HSPG2: variants seen among roughly 807,000 people sequenced by gnomAD.
HSPG2 encodes basement membrane-specific heparan sulfate proteoglycan core protein.
In HSPG2, 278 loss-of-function variants were observed where a neutral mutation model predicts 526.6. The observed-to-expected ratio is 0.53, with a 90% CI of 0.48 to 0.58. HSPG2 has a LOEUF of 0.58. Among genes scored for constraint, HSPG2 ranks in the 20% least tolerant of loss-of-function variants. HSPG2 has a pLI of 0.00. For missense variants in HSPG2, 5,354 were observed against 6,099.5 expected (o/e 0.88, Z 4.07); for synonymous variants, 2,465 against 2,555.4 (o/e 0.96, Z 1.07).
intron 96 of HSPG2, 28 bp from the exon 97 acceptor site, chr1:21,823,516 G>A (rs1449004907): frequency 6.2e-7 from 1 of 1,607,966 alleles, no homozygotes; most frequent in African/African-American, 1.3e-5. Flanking sequence ...GACAGGGCCT[G>A]TGGGCTCCAG....
At chr1:21,930,008 A>G (rs888810694) in intron 1 of HSPG2, among the ~76,000 whole-genome samples, 8 of 152,020 alleles carry the variant, frequency 5.3e-5, no homozygotes, top group African/African-American at 1.9e-4. Flanking sequence ...TGACTTCTCA[A>G]TTCACTCAGA....
At position 21,857,404 on chromosome 1, in the gene HSPG2, C is replaced by G. The variant is rs767670521; in HGVS notation, c.5294-19G>C. On this transcript the variant is annotated intron_variant, in intron 42 of 96. Transcript: ENST00000374695. ...GGAGCCTCTGCAGGGACGGGAAGCCCCCCTGTGAGCCGGTGCTGGCTAGGC... is the reference window on the plus strand; with the variant it reads ...GGAGCCTCTGCAGGGACGGGAAGCCGCCCTGTGAGCCGGTGCTGGCTAGGC... 5 of 1,609,466 alleles carry G rather than the reference C, an allele frequency of 3.1e-6. No individual in the cohort carries two copies. Among genetic ancestry groups the G allele is most frequent in the Non-Finnish European group, 4.2e-6 (5 of 1,177,392 alleles).
chr1:21,844,266 G>A lies in HSPG2; in HGVS notation c.8498C>T (p.Pro2833Leu). The A allele has an allele frequency of 5.0e-6, 8 of 1,613,600 alleles. No homozygotes were observed. Among genetic ancestry groups the A allele is most frequent in the Non-Finnish European group, 6.8e-6 (8 of 1,179,968 alleles). Residue 2833 changes from proline (P) to leucine (L), a missense_variant, in exon 65 of 97, where the codon CCC becomes CTC. By Grantham distance (98) the Pro-to-Leu change is moderately conservative. Transcript: ENST00000374695. ...PGGAPPIRIE[P>L]SSSRVAEGQT... ...CCCTTCTGCCACTCGGGAGGAGGAG[G>A]GCTCGATGCGGATGGGTGGGGCTCC...
At position 21,890,735 on chromosome 1, in the gene HSPG2, G is replaced by C; in HGVS notation, c.245-41C>G. ...AGGATCATTTTGAGAGCCCCAGCCT[G>C]GCATCTAGTGGCCTTAGGCAGTTGG... On this transcript the variant is annotated intron_variant, in intron 3 of 96. Transcript: ENST00000374695. This position sits in a 1 kb window ranked among gnomAD's most constrained non-coding sequence, Gnocchi z 4.1. 1 of 1,448,086 alleles carries C rather than the reference G, an allele frequency of 6.9e-7. No individual in the cohort carries two copies. The highest frequency in any genetic ancestry group is 9.7e-7 in the Non-Finnish European group (1 of 1,034,468). 89.7% of individuals were successfully genotyped at this position (1,448,086 alleles called of 1,614,324 possible).
At chr1:21,888,104 G>A in intron 6 of HSPG2, 38 bp from the exon 7 acceptor site, 1 of 1,612,220 alleles carries the variant, frequency 6.2e-7, no homozygotes. Flanking sequence ...GTCAGAGGCG[G>A]CAGGAGGCAG....
intron 33 of HSPG2, chr1:21,869,739 C>T: frequency 1.0e-6 from 1 of 985,888 alleles, no homozygotes. Context: ...GCTTCACCTC[C>T]CCACGGGCCC....
chr1:21,832,427 G>A, intron 81 of HSPG2, 68 bp downstream of exon 81: 1 of 1,295,148 alleles, frequency 7.7e-7, no homozygotes, highest in Non-Finnish European at 1.1e-6. Flanking sequence ...ATGGAGCCCA[G>A]GGTAGCACTT....
intron 13 of HSPG2, among the ~76,000 whole-genome samples, chr1:21,881,749 C>T (rs1238302779): frequency 6.6e-6 from 1 of 151,990 alleles, no homozygotes; most frequent in Non-Finnish European, 1.5e-5. Context: ...TCATGACCAG[C>T]CTTCCCAACA....
At chr1:21,908,019 T>A in intron 1 of HSPG2, 1 of 688,844 alleles carries the variant, frequency 1.5e-6, no homozygotes, top group Non-Finnish European at 2.7e-6. Context: ...ATGCTACAGA[T>A]AACACAGCAC....
rs753146385 is a variant in HSPG2, at chr1:21,881,453, G to A, written c.1704C>T (p.Ser568=). ...GGGATGGGTCGATCTGCAGCTGCGT[G>A]GAGGAGAGGGGTGGCGTGCCGGGCT... The part of the protein sequence containing the change: ...PAQPGTPPLS[S]TQLQIDPSLH... The change falls in exon 14 of 97, where the codon TCC becomes TCT. Residue 568 remains serine (S), a synonymous_variant. Transcript: ENST00000374695. The A allele has an allele frequency of 2.5e-5, 40 of 1,613,402 alleles. No homozygotes were observed. Among genetic ancestry groups the A allele is most frequent in the Non-Finnish European group, 3.0e-5 (35 of 1,180,034 alleles).
rs1639534888 is a variant in HSPG2, at chr1:21,858,690, T to G, written c.5293+876A>C. Reference sequence around the variant, plus strand: ...ACGCTTCCCACCCCCCGTGCCCACCTGCCTGACTTCTGCCAGCCACTGCAC... The same window carrying G: ...ACGCTTCCCACCCCCCGTGCCCACCGGCCTGACTTCTGCCAGCCACTGCAC... On this transcript the variant is annotated intron_variant, in intron 42 of 96. Coordinates refer to ENST00000374695, the MANE Select transcript of HSPG2 (RefSeq NM_005529.7). The surrounding 1 kb of genome is among the most constrained non-coding windows in gnomAD (Gnocchi z 4.2). Among the ~76,000 whole-genome samples the G allele has an allele frequency of 6.6e-6, 1 of 152,264 alleles. No homozygotes were observed. The highest frequency in any genetic ancestry group is 2.1e-4 in the South Asian group (1 of 4,834).
At chr1:21,843,227 G>C in intron 66 of HSPG2, 70 bp downstream of exon 66, 5 of 1,598,138 alleles carry the variant, frequency 3.1e-6, no homozygotes, top group Non-Finnish European at 4.3e-6. Context: ...TGGGAGAGAG[G>C]AGAGGAGCAG....
rs79921226 is a variant in HSPG2, at chr1:21,841,623, G to A, written c.9244C>T (p.Arg3082Trp). Residue 3082 changes from arginine to tryptophan, a missense_variant, in exon 70 of 97, where the codon CGG becomes TGG. Physicochemically the swap from Arg to Trp is moderately radical, Grantham distance 101. Transcript: ENST00000374695. ...CGGTAGGTACCGTGGTTGCTGGGCC[G>A]GGTGCCCACGATGGTGATGATGGAG... ...NGSIITIVGT[R>W]PSNHGTYRCV... The A allele has an allele frequency of 1.2e-5, 19 of 1,614,112 alleles. No homozygotes were observed. Among genetic ancestry groups the A allele is most frequent in the East Asian group, 2.2e-5 (1 of 44,876 alleles).
chr1:21,869,795 T>C (rs1282177894), intron 33 of HSPG2: 17 of 898,248 alleles, frequency 1.9e-5, no homozygotes, highest in Non-Finnish European at 2.1e-5. Flanking sequence ...TGCTGATACC[T>C]GGCACTCTGG....
In HSPG2 at chr1:21,887,611, G is replaced by A. The variant is rs1220830392; in HGVS notation, c.767C>T (p.Pro256Leu). Reference sequence around the variant, plus strand: ...TCGCATGATGGTTGTCTCTGGCCGGGGCGGTAAAGATGTCGTCTCCACAAG... The same window carrying A: ...TCGCATGATGGTTGTCTCTGGCCGGAGCGGTAAAGATGTCGTCTCCACAAG... ...SLLVETTSLP[P>L]RPETTIMRQP... Residue 256 changes from proline (P) to leucine (L), a missense_variant, in exon 8 of 97, where the codon CCC becomes CTC. Transcript: ENST00000374695. The surrounding 1 kb of genome is among the most constrained non-coding windows in gnomAD (Gnocchi z 5.0). 4 of 1,613,926 alleles carry A rather than the reference G, an allele frequency of 2.5e-6. No individual in the cohort carries two copies. Among genetic ancestry groups the A allele is most frequent in the Non-Finnish European group, 3.4e-6 (4 of 1,180,024 alleles).
chr1:21,835,983 CAAAAAAAAAAA>C (rs71569851), intron 75 of HSPG2, among the ~76,000 whole-genome samples: 1 of 75,804 alleles, frequency 1.3e-5, no homozygotes, highest in Non-Finnish European at 2.7e-5. Flanking sequence ...GATTCCATCT[CAAAAAAAAAAA>C]AAAAAAAAAG....
intron 91 of HSPG2, among the ~76,000 whole-genome samples, chr1:21,827,632 A>G (rs917888033): frequency 3.3e-5 from 5 of 152,198 alleles, no homozygotes; most frequent in African/African-American, 1.2e-4. Context: ...ATACATGAAT[A>G]CAGAGGAGGA....
chr1:21,865,450 T>C lies in HSPG2; in HGVS notation c.4315-85A>G. ...TCCTCCACCAGTCCTAGATTCTCTG[T>C]AACCCCCAGCCTCCCACCTCTCTGC... On this transcript the variant is annotated intron_variant, in intron 34 of 96. Transcript: ENST00000374695. The surrounding 1 kb of genome is among the most constrained non-coding windows in gnomAD (Gnocchi z 5.4). 1 of 1,311,606 alleles carries C rather than the reference T, an allele frequency of 7.6e-7. No individual in the cohort carries two copies. The highest frequency in any genetic ancestry group is 1.1e-6 in the Non-Finnish European group (1 of 908,558). The allele number at this position is 1,311,606 out of a possible 1,614,324, so 81.2% of individuals were successfully genotyped here.
rs2098039187 is a variant in HSPG2 at position 21,839,293 on chromosome 1, G to A, written c.9889+78C>T. The stretch of plus-strand genomic sequence containing the variant: ...TGGAGACCTCTGGATGGGGTTCCTG[G>A]GGTTCTGTGTGGGGTGGAGCCTAGT... On this transcript the variant is annotated intron_variant, in intron 73 of 96. Coordinates refer to ENST00000374695, the MANE Select transcript of HSPG2 (RefSeq NM_005529.7). This position sits in a 1 kb window ranked among gnomAD's most constrained non-coding sequence, Gnocchi z 4.5. The A allele has an allele frequency of 3.9e-6, 6 of 1,546,292 alleles. No individual in the cohort carries two copies. The highest frequency in any genetic ancestry group is 5.3e-6 in the Non-Finnish European group (6 of 1,130,744).
Sources: gnomAD v4.1 joint callset for allele counts (sites outside exome capture counted in the v4.1 genomes callset) on GRCh38, gnomAD v4.1.1 for gene constraint, Gnocchi (gnomAD v3.1) non-coding constraint, MANE v1.5 for transcripts, NCBI Gene and HGNC (gene_info 2026-07-23, HGNC 2026-07-21) for gene names.